The following RYR2 variants were observed in gnomAD, a reference collection of about 807,000 sequenced individuals.
RYR2 encodes cardiac muscle ryanodine receptor-calcium release channel.
Under a neutral mutation model 601.1 loss-of-function variants are expected in RYR2, and 227 were observed. That is an observed-to-expected ratio of 0.38 (90% CI 0.34 to 0.42). RYR2 has a LOEUF of 0.42. RYR2 is among the 10% of genes least tolerant of loss of function. The pLI is 1.00. For missense variants in RYR2, 4,646 were observed against 6,156.5 expected, an observed-to-expected ratio of 0.75 and a Z score of 8.21; for synonymous variants, 2,223 against 2,175.1, an observed-to-expected ratio of 1.02 and a Z score of -0.61.
chr1:237,830,218 A>G lies in RYR2; in HGVS notation c.14656-312A>G. On this transcript the variant is annotated intron_variant, in intron 102 of 104. Coordinates refer to ENST00000366574, the MANE Select transcript of RYR2 (RefSeq NM_001035.3). ...TCAATGTCATGAACAAGAGTTGATC[A>G]CTAAGCCTGGACATTTTCACCTAGG... The G allele has an allele frequency of 1.1e-5, 3 of 273,270 alleles. No individual in the cohort carries two copies. The South Asian group carries it at 1.3e-4, about 12-fold the overall frequency. The allele number at this position is 273,270 out of a possible 1,614,324, so 16.9% of individuals were successfully genotyped here.
chr1:237,808,165 A>G (rs960130059), intron 99 of RYR2, among the ~76,000 whole-genome samples: 1 of 152,164 alleles, frequency 6.6e-6, no homozygotes, highest in African/African-American at 2.4e-5. Flanking sequence ...CACTTTGGCC[A>G]TTGTTTACAA....
At chr1:237,633,021 A>G (rs1356447348) in intron 42 of RYR2, among the ~76,000 whole-genome samples, 1 of 152,144 alleles carries the variant, frequency 6.6e-6, no homozygotes, top group Non-Finnish European at 1.5e-5. Flanking sequence ...GGGGTCAAAC[A>G]TGCAGGCCTT....
chr1:237,551,583 G>T (rs10802618), intron 27 of RYR2, among the ~76,000 whole-genome samples: 133,411 of 149,204 alleles, frequency 0.89, 60,557 homozygotes, highest in East Asian at 0.97. Context: ...TCTTTAATCC[G>T]TTGCTCCTGC....
At chr1:237,585,040 T>C (rs61832626) in intron 29 of RYR2, among the ~76,000 whole-genome samples, 3 of 152,000 alleles carry the variant, frequency 2.0e-5, no homozygotes, top group Non-Finnish European at 2.9e-5. Context: ...TTGGCCCTGC[T>C]GTTTTAAGTA....
At chr1:237,337,914 T>C (rs941983260) in intron 3 of RYR2, among the ~76,000 whole-genome samples, 1 of 152,118 alleles carries the variant, frequency 6.6e-6, no homozygotes, top group Non-Finnish European at 1.5e-5. Flanking sequence ...GCGTTAGAGG[T>C]CACAAGTCTA....
intron 2 of RYR2, among the ~76,000 whole-genome samples, chr1:237,311,114 G>A (rs1694516908): frequency 6.6e-6 from 1 of 152,062 alleles, no homozygotes; most frequent in African/African-American, 2.4e-5. Context: ...AAGTATTCTG[G>A]TTCTATCTGA....
intron 1 of RYR2, among the ~76,000 whole-genome samples, chr1:237,209,310 T>C (rs1682293741): frequency 6.6e-6 from 1 of 151,944 alleles, no homozygotes; most frequent in Non-Finnish European, 1.5e-5. Flanking sequence ...GCATAAAATA[T>C]ACATATATTT....
rs571276915 is a variant in RYR2 at position 237,054,185 on chromosome 1, C to CTCCCTTCT, written c.48+11626_48+11633dup. Among the ~76,000 whole-genome samples, 367 of 150,726 alleles carry CTCCCTTCT rather than the reference C, an allele frequency of 2.4e-3. 3 individuals are homozygous for CTCCCTTCT. The highest frequency in any genetic ancestry group is 8.6e-3 in the African/African-American group (352 of 40,978). ...CCTTCCTCCCTCCCTCCTTCCCTCC[C>CTCCCTTCT]TCCCTTCTTCCCTTCTTTCCTCCCT... On this transcript the variant is annotated intron_variant, in intron 1 of 104. Transcript: ENST00000366574.
Position 237,100,637 on chromosome 1 carries a change from C to A in RYR2, c.48+58068C>A, listed in dbSNP as rs149707222. Among the ~76,000 whole-genome samples, 1,288 of 152,248 alleles carry A rather than the reference C, an allele frequency of 8.5e-3. 23 individuals are homozygous for A. Among genetic ancestry groups the A allele is most frequent in the African/African-American group, 0.029 (1,204 of 41,556 alleles). On this transcript the variant is annotated intron_variant, in intron 1 of 104. Transcript: ENST00000366574. The stretch of plus-strand genomic sequence containing the variant: ...CTGACCCCAAGTCATCCACCTGCCT[C>A]AGCCTCCCAAACTTCTGGGATCACA...
At chr1:237,422,593 C>A (rs1705705295) in intron 11 of RYR2, among the ~76,000 whole-genome samples, 1 of 152,044 alleles carries the variant, frequency 6.6e-6, no homozygotes. Context: ...TATAGTCTAA[C>A]TATAGACTTC....
intron 1 of RYR2, among the ~76,000 whole-genome samples, chr1:237,265,415 G>A (rs916628721): frequency 4.6e-5 from 7 of 151,970 alleles, no homozygotes; most frequent in East Asian, 1.9e-4. Context: ...TCTGCCTCCC[G>A]GGTTCAAGAG....
At position 237,783,974 on chromosome 1, in the gene RYR2, C is replaced by CAA; in HGVS notation, c.12263_12264insAA (p.His4088GlnfsTer16). ...CTACGAAGAGTTCGTCAAACGCTTC[C>CAA]ACGAACCTGCGAAGGACATCGGCTT... On this transcript the variant is annotated frameshift_variant, in exon 90 of 105. Transcript: ENST00000366574. LOFTEE classifies it high-confidence loss of function. The CAA allele has an allele frequency of 6.2e-7, 1 of 1,613,738 alleles. No homozygotes were observed. The highest frequency in any genetic ancestry group is 2.2e-5 in the East Asian group (1 of 44,826).
chr1:237,758,733 G>A (rs1693164679), intron 82 of RYR2, among the ~76,000 whole-genome samples: 1 of 152,184 alleles, frequency 6.6e-6, no homozygotes, highest in South Asian at 2.1e-4. Context: ...GATTTGTAGA[G>A]AAGCAGTATT....
chr1:237,403,570 C>A (rs754068993), intron 10 of RYR2, among the ~76,000 whole-genome samples: 3 of 152,086 alleles, frequency 2.0e-5, no homozygotes, highest in Non-Finnish European at 4.4e-5. Context: ...GGACTATATG[C>A]GTGTGCCACC....
intron 1 of RYR2, among the ~76,000 whole-genome samples, chr1:237,145,167 T>C (rs549327430): frequency 2.0e-5 from 3 of 151,840 alleles, no homozygotes; most frequent in Non-Finnish European, 4.4e-5. Context: ...CGTATATACC[T>C]ATGTAACAAA....
chr1:237,481,649 G>A (rs564739279), intron 17 of RYR2, among the ~76,000 whole-genome samples: 7 of 152,006 alleles, frequency 4.6e-5, no homozygotes, highest in African/African-American at 1.4e-4. Flanking sequence ...GATGCAATGC[G>A]TAAGTTATCA....
At chr1:237,208,950 A>G (rs183709750) in intron 1 of RYR2, among the ~76,000 whole-genome samples, 3,638 of 57,354 alleles carry the variant, frequency 0.063, 188 homozygotes, top group South Asian at 0.24. Flanking sequence ...ATATATATAT[A>G]TATATATATA....
At chr1:237,129,967 TGTGGTCAAAGA>T (rs1380939201) in intron 1 of RYR2, among the ~76,000 whole-genome samples, 2 of 152,034 alleles carry the variant, frequency 1.3e-5, no homozygotes, top group African/African-American at 4.8e-5. Context: ...ATGGGGAGAT[TGTGGTCAAAGA>T]GTATGAAGTT....
In RYR2 at chr1:237,701,961, A is replaced by G; in HGVS notation, c.9368-17A>G. On this transcript the variant is annotated splice_polypyrimidine_tract_variant and intron_variant, in intron 65 of 104. Coordinates refer to ENST00000366574, the MANE Select transcript of RYR2 (RefSeq NM_001035.3). ...TAAGTGGGTTTTTCTTTCAAGTGAGATTCTCTTTTTCCTTAGTGGAAGATG... is the reference window on the plus strand; with the variant it reads ...TAAGTGGGTTTTTCTTTCAAGTGAGGTTCTCTTTTTCCTTAGTGGAAGATG... 4 of 1,495,540 alleles carry G rather than the reference A, an allele frequency of 2.7e-6. No homozygotes were observed. Among genetic ancestry groups the G allele is most frequent in the Non-Finnish European group, 3.7e-6 (4 of 1,075,366 alleles). 92.6% of individuals were successfully genotyped at this position (1,495,540 alleles called of 1,614,324 possible). A position where few individuals can be genotyped will look rare whatever the true frequency, so the allele number is the denominator to read the frequency against.
Sources: allele counts gnomAD v4.1 joint callset (sites outside exome capture counted in the v4.1 genomes callset), GRCh38; gene constraint gnomAD v4.1.1; transcripts MANE v1.5; gene names NCBI Gene and HGNC (gene_info 2026-07-23, HGNC 2026-07-21).